SLC14A2: variants seen among roughly 807,000 people sequenced by gnomAD.
The protein encoded by SLC14A2 is urea transporter 2.
SLC14A2 carries 91 observed loss-of-function variants against 104.6 expected under a neutral mutation model. That is an observed-to-expected ratio of 0.87 (90% CI 0.73 to 1.04). SLC14A2 has a LOEUF of 1.04. SLC14A2 is among the 50% of genes least tolerant of loss of function. The probability of loss-of-function intolerance (pLI) is 0.00; values close to 1 mark genes in which losing one functional copy is unlikely to be tolerated. For missense variants in SLC14A2, 1,189 were observed against 1,156.0 expected, an observed-to-expected ratio of 1.03 and a Z score of -0.41; for synonymous variants, 476 against 466.4, an observed-to-expected ratio of 1.02 and a Z score of -0.27.
intron 2 of SLC14A2, among the ~76,000 whole-genome samples, chr18:45,547,770 T>A (rs1188354708): frequency 6.6e-6 from 1 of 152,162 alleles, no homozygotes; most frequent in Non-Finnish European, 1.5e-5. Context: ...GAATTGTAGT[T>A]AAGAAATGAA....
intron 2 of SLC14A2, among the ~76,000 whole-genome samples, chr18:45,537,032 T>A (rs921497550): frequency 7.4e-5 from 2 of 27,014 alleles, no homozygotes; most frequent in East Asian, 3.7e-3. Flanking sequence ...CCTCCCTCCC[T>A]CCCTCCCTCC....
chr18:45,350,120 G>A (rs1443456287), intron 1 of SLC14A2, among the ~76,000 whole-genome samples: 1 of 152,244 alleles, frequency 6.6e-6, no homozygotes, highest in Admixed American at 6.5e-5. Flanking sequence ...CAGTGAGTGA[G>A]ACTGACAGCT....
rs2144251301 is a variant in SLC14A2 at position 45,326,925 on chromosome 18, C to T, written c.-125+113734C>T. ...GCAGGAACATAGAAAGTCAGTTTTC[C>T]TACAACAGCTAGGACTTCACAGAAC... On this transcript the variant is annotated intron_variant, in intron 1 of 20. Transcript: ENST00000586448. 1.3e-5 allele frequency among the ~76,000 whole-genome samples: 2 copies of T among 152,280 alleles called. 1 individual carries two copies. Among genetic ancestry groups the T allele is most frequent in the Middle Eastern group, 6.8e-3 (2 of 294 alleles).
chr18:45,625,614 CTCT>C, intron 2 of SLC14A2, 66 bp from the exon 3 acceptor site: 1 of 1,340,310 alleles, frequency 7.5e-7, no homozygotes, highest in Non-Finnish European at 1.0e-6. Context: ...TGCCACCCTC[CTCT>C]ATCCCCAAAT....
the SLC14A2 span, among the ~76,000 whole-genome samples, chr18:45,168,354 T>G: frequency 3.3e-5 from 5 of 152,244 alleles, no homozygotes; most frequent in Non-Finnish European, 7.3e-5. Flanking sequence ...ATGTGGGCTT[T>G]GGAGCCAGAC....
intron 2 of SLC14A2, among the ~76,000 whole-genome samples, chr18:45,486,293 G>A (rs760380778): frequency 5.3e-5 from 8 of 151,812 alleles, no homozygotes; most frequent in Non-Finnish European, 8.8e-5. Flanking sequence ...TGTGTCTTGC[G>A]GGTTTATAAG....
chr18:45,205,595 C>T, the SLC14A2 span, among the ~76,000 whole-genome samples: 2 of 152,130 alleles, frequency 1.3e-5, no homozygotes, highest in Non-Finnish European at 2.9e-5. Flanking sequence ...CGGGTAGATG[C>T]AATTCAAAGA....
At chr18:45,489,412 G>A (rs1008406200) in intron 2 of SLC14A2, among the ~76,000 whole-genome samples, 9 of 152,106 alleles carry the variant, frequency 5.9e-5, no homozygotes, top group Non-Finnish European at 1.0e-4. Flanking sequence ...TTGGGAGGCC[G>A]AGGCATGAGA....
At chr18:45,543,480 A>G (rs1342427249) in intron 2 of SLC14A2, among the ~76,000 whole-genome samples, 1 of 152,172 alleles carries the variant, frequency 6.6e-6, no homozygotes, top group Non-Finnish European at 1.5e-5. Context: ...CTGTTCATCC[A>G]TAGATGGCCT....
intron 2 of SLC14A2, among the ~76,000 whole-genome samples, chr18:45,571,930 G>T (rs967887078): frequency 7.2e-5 from 11 of 152,192 alleles, no homozygotes; most frequent in African/African-American, 2.7e-4. Flanking sequence ...AGGGGCAGTG[G>T]TTCACTCCCT....
chr18:45,348,045 G>A (rs370857894), intron 1 of SLC14A2, among the ~76,000 whole-genome samples: 10 of 152,302 alleles, frequency 6.6e-5, no homozygotes, highest in African/African-American at 1.4e-4. Context: ...AGTGGAATTC[G>A]TCAATTGAAG....
At chr18:45,274,330 G>C (rs1369349064) in intron 1 of SLC14A2, among the ~76,000 whole-genome samples, 1 of 152,128 alleles carries the variant, frequency 6.6e-6, no homozygotes, top group Non-Finnish European at 1.5e-5. Context: ...TGCTTAAATA[G>C]CAAAATCTAA....
intron 5 of SLC14A2, chr18:45,635,034 G>GA: frequency 1.3e-5 from 4 of 300,298 alleles, no homozygotes; most frequent in South Asian, 2.8e-5. Context: ...ACCAAGGAGA[G>GA]GAAAAAAAAA....
chr18:45,308,420 A>AT (rs2085045624), intron 1 of SLC14A2, among the ~76,000 whole-genome samples: 1 of 152,226 alleles, frequency 6.6e-6, no homozygotes, highest in Non-Finnish European at 1.5e-5. Flanking sequence ...CACTTATATC[A>AT]TACTGAATAG....
At chr18:45,396,017 T>C (rs2086026363) in intron 1 of SLC14A2, among the ~76,000 whole-genome samples, 1 of 152,148 alleles carries the variant, frequency 6.6e-6, no homozygotes, top group Non-Finnish European at 1.5e-5. Context: ...TAAGGGAATA[T>C]ATGGTGTTTG....
At chr18:45,473,105 T>C (rs1282745138) in intron 1 of SLC14A2, among the ~76,000 whole-genome samples, 1 of 152,248 alleles carries the variant, frequency 6.6e-6, no homozygotes, top group Non-Finnish European at 1.5e-5. Flanking sequence ...GGCTAGCCAG[T>C]TCTCCCAACA....
chr18:45,505,137 G>A (rs530212178), intron 2 of SLC14A2, among the ~76,000 whole-genome samples: 3 of 152,220 alleles, frequency 2.0e-5, no homozygotes, highest in South Asian at 2.1e-4. Flanking sequence ...AAAGCAAATC[G>A]GAAAGAAACA....
Position 45,632,497 on chromosome 18 carries a change from T to C in SLC14A2, c.650+19T>C. On this transcript the variant is annotated intron_variant, in intron 5 of 19. Coordinates refer to ENST00000255226, the MANE Select transcript of SLC14A2 (RefSeq NM_007163.4). ...TGTCCTGGTGAGGCACCTCATTTTT[T>C]CTGCTCACAGCTCCATGGGGCCCCC... 6.2e-7 allele frequency: 1 copy of C among 1,612,360 alleles called. No homozygotes were observed.
intron 1 of SLC14A2, among the ~76,000 whole-genome samples, chr18:45,299,758 G>A (rs929032010): frequency 2.6e-5 from 4 of 152,268 alleles, no homozygotes; most frequent in Admixed American, 2.0e-4. Context: ...CACCGTGCCC[G>A]GCACATCCGT....
Sources: gnomAD v4.1 joint callset for allele counts (sites outside exome capture counted in the v4.1 genomes callset) on GRCh38, gnomAD v4.1.1 for gene constraint, MANE v1.5 for transcripts, NCBI Gene and HGNC (gene_info 2026-07-23, HGNC 2026-07-21) for gene names.